ZBTB40: variants seen among roughly 807,000 people sequenced by gnomAD.
The protein encoded by ZBTB40 is zinc finger and BTB domain containing 40.
ZBTB40 carries 60 observed loss-of-function variants against 117.5 expected under a neutral mutation model. That is an observed-to-expected ratio of 0.51 (90% CI 0.41 to 0.63). ZBTB40 has a LOEUF of 0.63. ZBTB40 is among the 30% of genes least tolerant of loss of function. ZBTB40 has a pLI of 0.00. For synonymous variants in ZBTB40, 525 were observed against 577.1 expected (o/e 0.91, Z 1.29); for missense variants, 1,287 against 1,498.5 (o/e 0.86, Z 2.33).
Position 22,522,945 on chromosome 1 carries a change from C to CTTTTT in ZBTB40, c.3298+498_3298+502dup, listed in dbSNP as rs34232963. ...CCATGCTCGACTAAATAAGATGTAC[C>CTTTTT]TTTTTTTTTTTTTTTTTTTTGAGAT... On this transcript the variant is annotated intron_variant, in intron 16 of 17. Coordinates refer to ENST00000375647, the MANE Select transcript of ZBTB40 (RefSeq NM_014870.4). 6.7e-4 allele frequency among the ~76,000 whole-genome samples: 63 copies of CTTTTT among 93,908 alleles called. 12 individuals carry two copies. In the East Asian group the frequency reaches 0.012, roughly 18 times the overall value. 61.6% of individuals were successfully genotyped at this position (93,908 alleles called of 152,430 possible).
intron 1 of ZBTB40, among the ~76,000 whole-genome samples, chr1:22,470,314 A>G (rs528995790): frequency 1.3e-5 from 2 of 152,196 alleles, no homozygotes; most frequent in Admixed American, 6.5e-5. Flanking sequence ...TTTGGTATCG[A>G]TAAGTTTTTT....
chr1:22,443,932 ACCTCCCTTC>A (rs1051968172), intron 1 of ZBTB40, among the ~76,000 whole-genome samples: 3 of 151,984 alleles, frequency 2.0e-5, no homozygotes, highest in Admixed American at 6.6e-5. Flanking sequence ...GGCATGTCCA[ACCTCCCTTC>A]CCATCATGGC....
chr1:22,490,742 T>C lies in ZBTB40; in HGVS notation c.697+97T>C. 4 of 1,450,180 alleles carry C rather than the reference T, an allele frequency of 2.8e-6. No homozygotes were observed. The South Asian group carries it at 4.8e-5, about 18-fold the overall frequency. 89.8% of individuals were successfully genotyped at this position (1,450,180 alleles called of 1,614,324 possible). A position where few individuals can be genotyped will look rare whatever the true frequency, so the allele number is the denominator to read the frequency against. On this transcript the variant is annotated intron_variant, in intron 2 of 17. Transcript: ENST00000375647. ...AAATTTATCAAAGACCACTGTTAGG[T>C]AGAAAACCAAAATTCAGTGCAGTAC...
Position 22,513,622 on chromosome 1 carries a change from A to G in ZBTB40, c.2668+492A>G, listed in dbSNP as rs368308749. 1.5e-3 allele frequency among the ~76,000 whole-genome samples: 235 copies of G among 152,218 alleles called. No individual in the cohort carries two copies. The highest frequency in any genetic ancestry group is 0.01 in the Middle Eastern group (3 of 292). On this transcript the variant is annotated intron_variant, in intron 12 of 17. Coordinates refer to ENST00000375647, the MANE Select transcript of ZBTB40 (RefSeq NM_014870.4). This position sits in a 1 kb window ranked among gnomAD's most constrained non-coding sequence, Gnocchi z 4.9. ...AGGCTGAGGCAGGAGAATGGTGTGA[A>G]CCTGGGAGGTGGAACTTGCAGTGAG... is the stretch of plus-strand genomic sequence containing the variant.
At chr1:22,434,126 A>T (rs1171576647) in intron 1 of ZBTB40, among the ~76,000 whole-genome samples, 1 of 152,308 alleles carries the variant, frequency 6.6e-6, no homozygotes, top group Non-Finnish European at 1.5e-5. Flanking sequence ...AGACTTCCAG[A>T]ATTTTTCCTA....
chr1:22,499,198 G>T (rs940181628), intron 3 of ZBTB40, among the ~76,000 whole-genome samples: 1 of 152,220 alleles, frequency 6.6e-6, no homozygotes, highest in Non-Finnish European at 1.5e-5. Flanking sequence ...CTGACTGTTG[G>T]CTGGAGACCA....
At chr1:22,524,065 A>T (rs1040363719) in intron 16 of ZBTB40, among the ~76,000 whole-genome samples, 153 bp from the exon 17 acceptor site, 1 of 152,066 alleles carries the variant, frequency 6.6e-6, no homozygotes, top group Non-Finnish European at 1.5e-5. Flanking sequence ...GGCCCCCCAG[A>T]TTGAATAACG....
chr1:22,466,349 T>C (rs902015775), intron 1 of ZBTB40, among the ~76,000 whole-genome samples: 5 of 152,232 alleles, frequency 3.3e-5, no homozygotes, highest in African/African-American at 1.2e-4. Context: ...TGAACATTAA[T>C]GTACAGGTTT....
Position 22,513,047 on chromosome 1 carries a change from G to A in ZBTB40, c.2585G>A (p.Arg862His), listed in dbSNP as rs768127997. The A allele has an allele frequency of 5.6e-6, 9 of 1,614,010 alleles. No homozygotes were observed. The highest frequency in any genetic ancestry group is 1.1e-5 in the South Asian group (1 of 91,064). ...CACCTTCGCCTTCACACCGGGGACCGCCCGTTCATGTGCAAGCACTGCCTC... is the reference window on the plus strand; with the variant it reads ...CACCTTCGCCTTCACACCGGGGACCACCCGTTCATGTGCAAGCACTGCCTC... ...KNHLRLHTGDRPFMCKHCLMT... is the reference protein window; with the variant it reads ...KNHLRLHTGDHPFMCKHCLMT... The change falls in exon 12 of 18, where the codon CGC becomes CAC. Residue 862 changes from arginine to histidine, a missense_variant. Transcript: ENST00000375647. This position sits in a 1 kb window ranked among gnomAD's most constrained non-coding sequence, Gnocchi z 4.9.
chr1:22,441,473 C>CTTTTTTTTTTTTTTT (rs71020419), intron 1 of ZBTB40, among the ~76,000 whole-genome samples: 1 of 73,714 alleles, frequency 1.4e-5, no homozygotes, highest in African/African-American at 4.9e-5. Flanking sequence ...TATTTGCTTT[C>CTTTTTTTTTTTTTTT]TTTTTTTTTT....
intron 1 of ZBTB40, among the ~76,000 whole-genome samples, chr1:22,478,154 C>T (rs150548330): frequency 3.0e-4 from 46 of 152,318 alleles, no homozygotes; most frequent in African/African-American, 1.0e-3. Flanking sequence ...TACAGAACTC[C>T]GTGTCAGACT....
At position 22,483,589 on chromosome 1, in the gene ZBTB40, T is replaced by C. The variant is rs1638385675; in HGVS notation, c.-69-6291T>C. ...TTATTTGTCATCTGCATATCTTCTT[T>C]GATGAGGTGTCTGTTCAGGTCTTCT... On this transcript the variant is annotated intron_variant, in intron 1 of 17. Transcript: ENST00000375647. Among the ~76,000 whole-genome samples, 4 of 152,252 alleles carry C rather than the reference T, an allele frequency of 2.6e-5. No homozygotes were observed. The South Asian group carries it at 8.3e-4, about 31-fold the overall frequency.
In ZBTB40 at chr1:22,503,021, T is replaced by C. The variant is rs527270217; in HGVS notation, c.1167+580T>C. On this transcript the variant is annotated intron_variant, in intron 5 of 17. Transcript: ENST00000375647. Reference sequence around the variant, plus strand: ...CCAGGATGAGGTTATATAGAACATATGGTTTTCTAACTTGACTTTTTACCT... The same window carrying C: ...CCAGGATGAGGTTATATAGAACATACGGTTTTCTAACTTGACTTTTTACCT... Among the ~76,000 whole-genome samples the C allele has an allele frequency of 3.9e-5, 6 of 152,250 alleles. No individual in the cohort carries two copies. In the South Asian group the frequency reaches 6.2e-4, roughly 16 times the overall value.
At chr1:22,478,507 A>G (rs1641606260) in intron 1 of ZBTB40, among the ~76,000 whole-genome samples, 2 of 152,146 alleles carry the variant, frequency 1.3e-5, no homozygotes, top group South Asian at 4.1e-4. Flanking sequence ...TCGGCCTCCC[A>G]AAGTGCTGGG....
At chr1:22,441,627 C>T (rs1195582593) in intron 1 of ZBTB40, among the ~76,000 whole-genome samples, 1 of 151,694 alleles carries the variant, frequency 6.6e-6, no homozygotes, top group Non-Finnish European at 1.5e-5. Flanking sequence ...AGATTACAGG[C>T]CTAAACCACT....
chr1:22,467,236 T>C (rs375535820), intron 1 of ZBTB40, among the ~76,000 whole-genome samples: 1 of 152,246 alleles, frequency 6.6e-6, no homozygotes, highest in Admixed American at 6.5e-5. Flanking sequence ...TCTGGAATTA[T>C]ACAGCTTGTA....
rs1187564063 is a variant in ZBTB40 at position 22,520,293 on chromosome 1, TG to T, written c.3048+21del. ...CCTACCAGGTGACCTCAGGTGCCACTGGGAGCTCTTCCCCTCACCCCTGACC... is the reference window on the plus strand; with the variant it reads ...CCTACCAGGTGACCTCAGGTGCCACTGGAGCTCTTCCCCTCACCCCTGACC... On this transcript the variant is annotated intron_variant, in intron 14 of 17. Transcript: ENST00000375647. 15 of 1,602,028 alleles carry T rather than the reference TG, an allele frequency of 9.4e-6. No individual in the cohort carries two copies. Among genetic ancestry groups the T allele is most frequent in the Non-Finnish European group, 1.1e-5 (13 of 1,175,604 alleles).
chr1:22,511,491 A>T (rs1443486105), intron 10 of ZBTB40, 144 bp downstream of exon 10: 1 of 1,318,624 alleles, frequency 7.6e-7, no homozygotes, highest in Non-Finnish European at 1.0e-6. Flanking sequence ...TAAAAAAGTC[A>T]TGAGACATAG....
Position 22,513,905 on chromosome 1 carries a change from A to C in ZBTB40, c.2668+775A>C, listed in dbSNP as rs541280152. 2.0e-4 allele frequency among the ~76,000 whole-genome samples: 30 copies of C among 152,208 alleles called. No homozygotes were observed. The highest frequency in any genetic ancestry group is 3.7e-4 in the Non-Finnish European group (25 of 68,042). On this transcript the variant is annotated intron_variant, in intron 12 of 17. Transcript: ENST00000375647. The surrounding 1 kb of genome is among the most constrained non-coding windows in gnomAD (Gnocchi z 4.9). ...CCATTAAAAGTTATAGAGAATTTAC[A>C]TAAAATTATTTGAGCTTTGAAGTCG...
Sources: allele counts gnomAD v4.1 joint callset (sites outside exome capture counted in the v4.1 genomes callset), GRCh38; gene constraint gnomAD v4.1.1; non-coding constraint Gnocchi (gnomAD v3.1); transcripts MANE v1.5; gene names NCBI Gene and HGNC (gene_info 2026-07-23, HGNC 2026-07-21).